RGS6: variants seen among roughly 807,000 people sequenced by gnomAD.
RGS6 encodes regulator of G-protein signaling 6.
RGS6 carries 30 observed loss-of-function variants against 78.5 expected under a neutral mutation model. That is an observed-to-expected ratio of 0.38 (90% CI 0.29 to 0.52). The LOEUF (loss-of-function observed/expected upper bound fraction) is 0.52, where lower values mean the gene tolerates loss of function less well. Ranked by LOEUF, RGS6 falls within the 20% of genes least tolerant of loss-of-function variation. The pLI is 0.85. For missense variants in RGS6, 495 were observed against 609.7 expected, an observed-to-expected ratio of 0.81 and a Z score of 1.98; for synonymous variants, 206 against 206.0, an observed-to-expected ratio of 1.00 and a Z score of 0.00.
At chr14:72,578,158 G>C in the RGS6 span, among the ~76,000 whole-genome samples, 2 of 152,168 alleles carry the variant, frequency 1.3e-5, no homozygotes, top group Admixed American at 1.3e-4. Context: ...TTCCTCATTT[G>C]AAAGATGCTT....
the RGS6 span, among the ~76,000 whole-genome samples, chr14:71,888,038 A>G: frequency 6.6e-6 from 1 of 152,118 alleles, no homozygotes; most frequent in Non-Finnish European, 1.5e-5. Flanking sequence ...CCCAGCTGTA[A>G]AATTCCTCTC....
At chr14:72,126,770 G>T (rs1399740197) in intron 2 of RGS6, among the ~76,000 whole-genome samples, 2 of 152,178 alleles carry the variant, frequency 1.3e-5, no homozygotes, top group Non-Finnish European at 2.9e-5. Flanking sequence ...TTGTCACCTG[G>T]CTGGGCTTAT....
chr14:71,888,418 C>CAAAAA, the RGS6 span, among the ~76,000 whole-genome samples: 3 of 143,610 alleles, frequency 2.1e-5, no homozygotes, highest in Non-Finnish European at 4.5e-5. Flanking sequence ...AGCTCTGTCT[C>CAAAAA]AAAAAAAAAA....
chr14:72,414,498 C>T (rs570927339), intron 3 of RGS6, among the ~76,000 whole-genome samples: 1 of 152,228 alleles, frequency 6.6e-6, no homozygotes, highest in East Asian at 1.9e-4. Flanking sequence ...AACTTCTTTG[C>T]CATTGGTTCG....
the RGS6 span, among the ~76,000 whole-genome samples, chr14:72,576,490 T>C: frequency 6.6e-5 from 10 of 152,248 alleles, 1 homozygote; most frequent in African/African-American, 2.4e-4. Flanking sequence ...GCAACACATC[T>C]GTAATCTCAT....
intron 2 of RGS6, among the ~76,000 whole-genome samples, chr14:72,186,075 C>T (rs997647726): frequency 2.0e-5 from 3 of 152,248 alleles, no homozygotes; most frequent in Non-Finnish European, 4.4e-5. Flanking sequence ...ATTGCCATAT[C>T]TAGGCAGCTG....
intron 2 of RGS6, among the ~76,000 whole-genome samples, chr14:72,176,551 A>G (rs2097107126): frequency 6.6e-6 from 1 of 152,214 alleles, no homozygotes; most frequent in Non-Finnish European, 1.5e-5. Flanking sequence ...CTTTGCCCAC[A>G]TATAGGAGAC....
rs138437727 is a variant in RGS6, at chr14:72,202,140, G to A, written c.85-149955G>A. ...TAGCTAAGAAATATTTGACCCTCAC[G>A]TACTTAAAATATCTCTTGTTTTGGT... On this transcript the variant is annotated intron_variant, in intron 2 of 17. Coordinates refer to ENST00000553525, the MANE Select transcript of RGS6 (RefSeq NM_001204424.2). Among the ~76,000 whole-genome samples, 270 of 152,228 alleles carry A rather than the reference G, an allele frequency of 1.8e-3. 2 individuals are homozygous for A. The highest frequency in any genetic ancestry group is 5.7e-3 in the African/African-American group (238 of 41,530).
intron 12 of RGS6, among the ~76,000 whole-genome samples, chr14:72,488,892 A>AT (rs1159083202): frequency 2.0e-5 from 3 of 152,222 alleles, no homozygotes; most frequent in Non-Finnish European, 4.4e-5. Context: ...GAGGGGTCTG[A>AT]TAAAAACCCC....
intron 2 of RGS6, among the ~76,000 whole-genome samples, chr14:72,032,141 G>A (rs2091002602): frequency 6.6e-6 from 1 of 152,096 alleles, no homozygotes; most frequent in Admixed American, 6.6e-5. Context: ...TGCTGTGTCT[G>A]CTAACCGTTA....
chr14:71,931,518 G>T (rs2087861304), upstream of RGS6, among the ~76,000 whole-genome samples: 1 of 152,186 alleles, frequency 6.6e-6, no homozygotes, highest in South Asian at 2.1e-4. Flanking sequence ...TGTGAATGAG[G>T]AGTCCAGGTC....
intron 3 of RGS6, among the ~76,000 whole-genome samples, chr14:72,411,387 G>T (rs987491192): frequency 2.4e-4 from 36 of 152,162 alleles, no homozygotes; most frequent in African/African-American, 8.0e-4. Context: ...TGGTGTATAA[G>T]AATGCTTGTG....
At chr14:72,141,291 A>G (rs1239660358) in intron 2 of RGS6, among the ~76,000 whole-genome samples, 2 of 152,136 alleles carry the variant, frequency 1.3e-5, no homozygotes, top group African/African-American at 2.4e-5. Context: ...TGACTCATCT[A>G]TGCCTCAAGA....
rs560664879 is a variant in RGS6, at chr14:71,973,182, C to G, written c.84+8307C>G. Among the ~76,000 whole-genome samples the G allele has an allele frequency of 5.3e-5, 8 of 152,250 alleles. No homozygotes were observed. The South Asian group carries it at 1.7e-3, about 32-fold the overall frequency. ...AAAGCATTTTTTTAGATCTAACATT[C>G]TAGGTCTTTTGTAATCTAAAATAGA... On this transcript the variant is annotated intron_variant, in intron 2 of 17. Coordinates refer to ENST00000553525, the MANE Select transcript of RGS6 (RefSeq NM_001204424.2).
Position 72,465,830 on chromosome 14 carries a change from T to C in RGS6, c.459+8T>C. 1.2e-6 allele frequency: 2 copies of C among 1,608,106 alleles called. No individual in the cohort carries two copies. Among genetic ancestry groups the C allele is most frequent in the Non-Finnish European group, 1.7e-6 (2 of 1,174,562 alleles). ...CTGGCAGATTATGAAGCAGTAAGTA[T>C]GATTATTTTCCAGGATACATATAAG... On this transcript the variant is annotated splice_region_variant and intron_variant, in intron 7 of 17. Coordinates refer to ENST00000553525, the MANE Select transcript of RGS6 (RefSeq NM_001204424.2).
At chr14:72,370,368 G>A (rs894277731) in intron 3 of RGS6, among the ~76,000 whole-genome samples, 3 of 152,126 alleles carry the variant, frequency 2.0e-5, no homozygotes, top group Admixed American at 6.5e-5. Flanking sequence ...AGGGGTTGTG[G>A]ATTTGCTAGT....
At chr14:72,197,365 C>A (rs1210901907) in intron 2 of RGS6, among the ~76,000 whole-genome samples, 1 of 152,202 alleles carries the variant, frequency 6.6e-6, no homozygotes, top group Non-Finnish European at 1.5e-5. Flanking sequence ...TGCACCCGGC[C>A]AAATGTTTTC....
intron 4 of RGS6, among the ~76,000 whole-genome samples, chr14:72,456,638 G>A (rs749260502): frequency 4.1e-4 from 63 of 152,278 alleles, no homozygotes; most frequent in Non-Finnish European, 9.1e-4. Context: ...CTCAGAGAAT[G>A]AAGTTAGAGT....
chr14:72,208,127 G>A (rs2043131481), intron 2 of RGS6, among the ~76,000 whole-genome samples: 1 of 152,216 alleles, frequency 6.6e-6, no homozygotes, highest in Non-Finnish European at 1.5e-5. Context: ...GGGTTCAGAA[G>A]AGAACACAAA....
Sources: allele counts gnomAD v4.1 joint callset (sites outside exome capture counted in the v4.1 genomes callset), GRCh38; gene constraint gnomAD v4.1.1; transcripts MANE v1.5; gene names NCBI Gene and HGNC (gene_info 2026-07-23, HGNC 2026-07-21).